ATF7IP: variants seen among roughly 807,000 people sequenced by gnomAD.
ATF7IP encodes activating transcription factor 7-interacting protein 1.
A neutral mutation model predicts 106.4 loss-of-function variants in ATF7IP; 23 were observed. That is an observed-to-expected ratio of 0.22 (90% CI 0.16 to 0.31). The LOEUF (loss-of-function observed/expected upper bound fraction) is 0.31, where lower values mean the gene tolerates loss of function less well. ATF7IP is among the 10% of genes least tolerant of loss of function. ATF7IP has a pLI of 1.00. For synonymous variants in ATF7IP, 542 were observed against 539.0 expected, an observed-to-expected ratio of 1.01 and a Z score of -0.08; for missense variants, 1,334 against 1,524.3, an observed-to-expected ratio of 0.88 and a Z score of 2.08.
At chr12:14,474,234 T>C (rs1272844352) in intron 10 of ATF7IP, among the ~76,000 whole-genome samples, 2 of 151,934 alleles carry the variant, frequency 1.3e-5, no homozygotes, top group Non-Finnish European at 2.9e-5. Context: ...AGCATCAATT[T>C]CATTTGAGTT....
intron 5 of ATF7IP, among the ~76,000 whole-genome samples, chr12:14,445,773 G>A (rs1353733791): frequency 1.3e-5 from 2 of 152,150 alleles, no homozygotes; most frequent in Non-Finnish European, 2.9e-5. Context: ...TCATTTTTAT[G>A]AAATGTATGC....
At chr12:14,471,595 G>T (rs1168709229) in intron 10 of ATF7IP, among the ~76,000 whole-genome samples, 1 of 151,914 alleles carries the variant, frequency 6.6e-6, no homozygotes, top group African/African-American at 2.4e-5. Flanking sequence ...ACAGGGCTTG[G>T]GAGGCCTCAG....
At chr12:14,486,847 G>C (rs1944636648) in intron 13 of ATF7IP, among the ~76,000 whole-genome samples, 1 of 151,902 alleles carries the variant, frequency 6.6e-6, no homozygotes, top group African/African-American at 2.4e-5. Context: ...CGTTAGATCT[G>C]ACATACAGAG....
intron 13 of ATF7IP, chr12:14,481,920 A>ATATATATGT (rs1319204374): frequency 1.3e-5 from 2 of 157,410 alleles, no homozygotes; most frequent in African/African-American, 4.8e-5. Flanking sequence ...TATTAGTTAC[A>ATATATATGT]TACATATGTT....
chr12:14,367,141 C>T (rs1416384448), intron 1 of ATF7IP, among the ~76,000 whole-genome samples: 2 of 152,094 alleles, frequency 1.3e-5, no homozygotes, highest in Admixed American at 6.5e-5. Context: ...ATATATACAA[C>T]AACTGGTTTC....
chr12:14,447,045 A>G lies in ATF7IP; in HGVS notation c.1987A>G (p.Arg663Gly). The change falls in exon 6 of 15, where the codon AGA becomes GGA. Residue 663 changes from arginine (R) to glycine (G), a missense_variant. Arg to Gly is a moderately radical substitution (Grantham distance 125). Coordinates refer to ENST00000261168, the MANE Select transcript of ATF7IP (RefSeq NM_018179.5). ...FEAAKEDLKK[R>G]HEHPPNPPVS... ...AGCAGCCAAAGAAGATCTTAAGAAA[A>G]GACATGAAGTAAAATTTTTCTATTC... 1 of 1,596,036 alleles carries G rather than the reference A, an allele frequency of 6.3e-7. No individual in the cohort carries two copies. The highest frequency in any genetic ancestry group is 1.4e-5 in the African/African-American group (1 of 73,906).
Position 14,500,810 on chromosome 12 carries a change from CTATAT to C in ATF7IP, c.*2741_*2745del, listed in dbSNP as rs1344756699. On this transcript the variant is annotated 3_prime_UTR_variant, in exon 15 of 15. Transcript: ENST00000261168. ...TAAAAAAAAAATTCATTAGCCTAGC[CTATAT>C]TATGTTTTCTGTCAAAGGAAAACAA... is the stretch of plus-strand genomic sequence containing the variant. The C allele has an allele frequency of 1.3e-5, 2 of 151,960 alleles. No homozygotes were observed. Among genetic ancestry groups the C allele is most frequent in the Admixed American group, 6.6e-5 (1 of 15,252 alleles). 9.4% of individuals were successfully genotyped at this position (151,960 alleles called of 1,614,324 possible). A position where few individuals can be genotyped will look rare whatever the true frequency, so the allele number is the denominator to read the frequency against.
chr12:14,373,462 T>C (rs1287578378), intron 1 of ATF7IP, among the ~76,000 whole-genome samples: 4 of 152,204 alleles, frequency 2.6e-5, no homozygotes, highest in Non-Finnish European at 5.9e-5. Flanking sequence ...GTGCATATTC[T>C]TTCTTTTGAG....
Position 14,433,922 on chromosome 12 carries a change from C to A in ATF7IP, c.1559-415C>A, listed in dbSNP as rs529280137. Among the ~76,000 whole-genome samples, 3 of 152,210 alleles carry A rather than the reference C, an allele frequency of 2.0e-5. No individual in the cohort carries two copies. The East Asian group carries it at 5.8e-4, about 29-fold the overall frequency. On this transcript the variant is annotated intron_variant, in intron 2 of 14. Coordinates refer to ENST00000261168, the MANE Select transcript of ATF7IP (RefSeq NM_018179.5). ...GCATTAAAGTAACTTAAGGATTCAA[C>A]CTGTTTTGAATTTTCCAGTAGTTTG...
chr12:14,442,801 A>T (rs1942771618), intron 5 of ATF7IP, among the ~76,000 whole-genome samples: 1 of 152,212 alleles, frequency 6.6e-6, no homozygotes, highest in Admixed American at 6.5e-5. Context: ...TCCAGAAGGG[A>T]TTCTTTAAGA....
intron 1 of ATF7IP, among the ~76,000 whole-genome samples, chr12:14,388,085 C>G (rs1939343298): frequency 6.7e-6 from 1 of 148,752 alleles, no homozygotes; most frequent in Non-Finnish European, 1.5e-5. Flanking sequence ...GCTTCCTCGG[C>G]TCACTGCACC....
chr12:14,460,842 C>A lies in ATF7IP; in HGVS notation c.2506C>A (p.Pro836Thr). 6.2e-7 allele frequency: 1 copy of A among 1,614,152 alleles called. No individual in the cohort carries two copies. The highest frequency in any genetic ancestry group is 1.1e-5 in the South Asian group (1 of 91,082). The stretch of plus-strand genomic sequence containing the variant: ...TCTTACCAAAAATCCAGTATCCTTG[C>A]CATCCTTGCCAAATCCCACTAAACC... ...SGLTKNPVSL[P>T]SLPNPTKPNN... The change falls in exon 9 of 15, where the codon CCA (proline) becomes ACA (threonine). Residue 836 changes from proline to threonine, a missense_variant. Transcript: ENST00000261168.
At chr12:14,471,922 T>C (rs1944059840) in intron 10 of ATF7IP, among the ~76,000 whole-genome samples, 1 of 152,186 alleles carries the variant, frequency 6.6e-6, no homozygotes, top group African/African-American at 2.4e-5. Flanking sequence ...CCTGTGTGTA[T>C]AGAGTTTAAG....
intron 12 of ATF7IP, 118 bp from the exon 13 acceptor site, chr12:14,480,885 T>C (rs1225180064): frequency 2.8e-5 from 24 of 847,350 alleles, no homozygotes; most frequent in Middle Eastern, 3.4e-4. Context: ...GAGACTGTTA[T>C]TTCTGTTTCT....
In ATF7IP at chr12:14,431,384, C is replaced by T. The variant is rs1359918966; in HGVS notation, c.1559-2953C>T. On this transcript the variant is annotated intron_variant, in intron 2 of 14. Coordinates refer to ENST00000261168, the MANE Select transcript of ATF7IP (RefSeq NM_018179.5). The stretch of plus-strand genomic sequence containing the variant: ...ACTTATCTGTAAGTAAGGACAGATT[C>T]TAAAAAAAACATTCTTTTTTTTTTT... Among the ~76,000 whole-genome samples the T allele has an allele frequency of 2.0e-5, 3 of 149,360 alleles. No homozygotes were observed. The East Asian group carries it at 5.8e-4, about 29-fold the overall frequency.
chr12:14,399,833 T>C (rs1239225884), intron 1 of ATF7IP, among the ~76,000 whole-genome samples: 1 of 152,196 alleles, frequency 6.6e-6, no homozygotes, highest in African/African-American at 2.4e-5. Flanking sequence ...AATTCTTGAA[T>C]GTATTCATTT....
intron 1 of ATF7IP, among the ~76,000 whole-genome samples, chr12:14,422,175 G>A (rs1941551885): frequency 6.6e-6 from 1 of 151,976 alleles, no homozygotes; most frequent in African/African-American, 2.4e-5. Context: ...AGTGAAAAGA[G>A]ATAATAAATA....
chr12:14,436,379 GA>G, intron 4 of ATF7IP, 128 bp downstream of exon 4: 1 of 964,672 alleles, frequency 1.0e-6, no homozygotes, highest in East Asian at 2.7e-5. Context: ...AGAACTTGAA[GA>G]AAGTGGTTGA....
At chr12:14,482,091 C>A (rs188275328) in intron 13 of ATF7IP, 74 of 152,308 alleles carry the variant, frequency 4.9e-4, no homozygotes, top group African/African-American at 1.5e-3. Flanking sequence ...ATGAACTCTT[C>A]ATCAGGTTAA....
Sources: gnomAD v4.1 joint callset for allele counts (sites outside exome capture counted in the v4.1 genomes callset) on GRCh38, gnomAD v4.1.1 for gene constraint, MANE v1.5 for transcripts, NCBI Gene and HGNC (gene_info 2026-07-23, HGNC 2026-07-21) for gene names.